Variants in SVEP1 observed in about 807,000 individuals in gnomAD.
SVEP1 encodes the protein sushi, von Willebrand factor type A, EGF and pentraxin domain-containing protein 1.
In SVEP1, 164 loss-of-function variants were observed where a neutral mutation model predicts 367.3. The ratio of observed to expected loss-of-function variants is 0.45; its 90% CI spans 0.39 to 0.51. SVEP1 has a LOEUF of 0.51. Among genes scored for constraint, SVEP1 ranks in the 20% least tolerant of loss-of-function variants. SVEP1 has a pLI of 0.00. For missense variants in SVEP1, 4,117 were observed against 4,425.3 expected (o/e 0.93, Z 1.98); for synonymous variants, 1,666 against 1,611.6 (o/e 1.03, Z -0.81).
Position 110,377,285 on chromosome 9 carries a change from C to T in SVEP1, c.10490G>A (p.Arg3497His), listed in dbSNP as rs537183383. 5.8e-5 allele frequency: 93 copies of T among 1,613,370 alleles called. No homozygotes were observed. The highest frequency in any genetic ancestry group is 1.2e-4 in the Admixed American group (7 of 59,994). The part of the protein sequence containing the change: ...ACSCPEGWMG[R>H]LCEEPICILP... ...GAGCAACTCACGTTCTTCACAGAGG[C>T]GCCCCATCCAGCCCTCTGGACAGGA... is the stretch of plus-strand genomic sequence containing the variant. The change falls in exon 45 of 48, where the codon CGC becomes CAC. Residue 3497 changes from arginine to histidine, a missense_variant. Physicochemically the swap from Arg to His is conservative, Grantham distance 29. Transcript: ENST00000374469.
At chr9:110,532,029 A>C (rs1465005380) in intron 3 of SVEP1, among the ~76,000 whole-genome samples, 1 of 152,160 alleles carries the variant, frequency 6.6e-6, no homozygotes, top group Non-Finnish European at 1.5e-5. Context: ...TTCTCCAAAA[A>C]AGGAATGGAA....
intron 3 of SVEP1, among the ~76,000 whole-genome samples, chr9:110,544,257 T>C (rs1018463760): frequency 1.3e-5 from 2 of 152,254 alleles, no homozygotes; most frequent in Admixed American, 6.5e-5. Context: ...TAAAATAATG[T>C]TCACACGAAA....
chr9:110,514,450 T>TTGCGG (rs1441983616), intron 3 of SVEP1, among the ~76,000 whole-genome samples: 1 of 150,066 alleles, frequency 6.7e-6, no homozygotes, highest in Non-Finnish European at 1.5e-5. Flanking sequence ...GAGCTGGAGG[T>TTGCGG]TGCGGTGAGC....
At chr9:110,416,131 T>C (rs1828117391) in intron 36 of SVEP1, among the ~76,000 whole-genome samples, 1 of 151,974 alleles carries the variant, frequency 6.6e-6, no homozygotes, top group African/African-American at 2.4e-5. Flanking sequence ...ACAATCTGAA[T>C]TTATAACACA....
At chr9:110,495,383 A>G (rs1278062338) in intron 8 of SVEP1, among the ~76,000 whole-genome samples, 3 of 152,172 alleles carry the variant, frequency 2.0e-5, no homozygotes, top group African/African-American at 7.2e-5. Context: ...GTTCAATGTA[A>G]TCTCAAGGGT....
intron 40 of SVEP1, among the ~76,000 whole-genome samples, chr9:110,390,505 C>T (rs528185952): frequency 5.9e-4 from 89 of 150,870 alleles, no homozygotes; most frequent in African/African-American, 2.0e-3. Context: ...TATGATTTGA[C>T]AATCAGAAAT....
chr9:110,481,275 G>T lies in SVEP1; in HGVS notation c.2332C>A (p.Pro778Thr). The change falls in exon 12 of 48, where the codon CCA becomes ACA. Residue 778 changes from proline (P) to threonine (T), a missense_variant. Pro to Thr is a conservative substitution (Grantham distance 38). This residue lies in a region of SVEP1 where 2,174 missense variants were observed against 2,494.3 expected (regional missense o/e 0.87). Transcript: ENST00000374469. Reference protein sequence around the residue: ...YCAYEDGVWKPTYTTEWPDCA... With the variant: ...YCAYEDGVWKTTYTTEWPDCA... ...TCTGGCCATTCAGTGGTATATGTTG[G>T]TTTCCAGACGCCATCTTCATAAGCA... 2 of 1,602,458 alleles carry T rather than the reference G, an allele frequency of 1.2e-6. No homozygotes were observed.
At chr9:110,374,474 ACTCTGT>A (rs1205550929) in intron 46 of SVEP1, among the ~76,000 whole-genome samples, 2 of 152,086 alleles carry the variant, frequency 1.3e-5, no homozygotes, top group Non-Finnish European at 2.9e-5. Flanking sequence ...ACATGGTGAA[ACTCTGT>A]CTCTACTAAA....
intron 36 of SVEP1, among the ~76,000 whole-genome samples, chr9:110,425,874 T>C (rs905565861): frequency 2.0e-5 from 3 of 152,192 alleles, no homozygotes; most frequent in Non-Finnish European, 4.4e-5. Context: ...ATATTTGTCT[T>C]TGGGTAATAA....
chr9:110,510,302 C>T (rs1014509480), intron 5 of SVEP1, among the ~76,000 whole-genome samples: 2 of 152,240 alleles, frequency 1.3e-5, no homozygotes, highest in African/African-American at 2.4e-5. Context: ...CTCCTCTGAT[C>T]CTCCCACTCC....
At chr9:110,462,158 T>A (rs1465370894) in intron 18 of SVEP1, among the ~76,000 whole-genome samples, 2 of 152,094 alleles carry the variant, frequency 1.3e-5, no homozygotes, top group Non-Finnish European at 2.9e-5. Context: ...TTTTTACATA[T>A]AATTTTCAGC....
chr9:110,464,930 A>G (rs1296203036), intron 18 of SVEP1, among the ~76,000 whole-genome samples: 3 of 152,120 alleles, frequency 2.0e-5, no homozygotes, highest in African/African-American at 7.2e-5. Context: ...TCCTAATTTC[A>G]TTGTCATTCT....
chr9:110,399,950 C>T (rs1363947031), intron 40 of SVEP1, among the ~76,000 whole-genome samples: 5 of 152,158 alleles, frequency 3.3e-5, no homozygotes, highest in African/African-American at 9.7e-5. Flanking sequence ...TTTAGTGATA[C>T]GGTAATGCTT....
intron 5 of SVEP1, among the ~76,000 whole-genome samples, chr9:110,512,251 A>G (rs1829729782): frequency 6.6e-6 from 1 of 152,068 alleles, no homozygotes; most frequent in Admixed American, 6.6e-5. Flanking sequence ...CTTTTCTTAA[A>G]TATCCTCCTC....
chr9:110,500,114 T>A (rs756812085), intron 6 of SVEP1, among the ~76,000 whole-genome samples: 1 of 152,352 alleles, frequency 6.6e-6, no homozygotes, highest in African/African-American at 2.4e-5. Context: ...TGTGTGCTAC[T>A]AAACACTCCA....
In SVEP1 at chr9:110,410,936, T is replaced by C. The variant is rs186528583; in HGVS notation, c.6648+127A>G. 10 of 701,184 alleles carry C rather than the reference T, an allele frequency of 1.4e-5. No homozygotes were observed. The East Asian group carries it at 2.3e-4, about 16-fold the overall frequency. The allele number at this position is 701,184 out of a possible 1,614,324, so 43.4% of individuals were successfully genotyped here. ...TATCATGATTCTTTGTTAGTGATAA[T>C]AGTAAATTCCAGTTTCCATGCCTTA... On this transcript the variant is annotated intron_variant, in intron 37 of 47. Transcript: ENST00000374469.
intron 3 of SVEP1, among the ~76,000 whole-genome samples, chr9:110,520,106 G>A (rs1829858908): frequency 6.6e-6 from 1 of 152,118 alleles, no homozygotes; most frequent in Non-Finnish European, 1.5e-5. Context: ...ATAATCAAGA[G>A]TTTAAAACAC....
chr9:110,491,619 A>ATGTGTGTGTGTGTGTGGG (rs1564157984), intron 8 of SVEP1, among the ~76,000 whole-genome samples: 4 of 112,148 alleles, frequency 3.6e-5, no homozygotes, highest in African/African-American at 1.5e-4. Flanking sequence ...GTGTGTGTGC[A>ATGTGTGTGTGTGTGTGGG]AATTTATCTG....
chr9:110,472,515 T>G (rs1176566265), intron 14 of SVEP1, among the ~76,000 whole-genome samples, 192 bp from the exon 15 acceptor site: 1 of 152,166 alleles, frequency 6.6e-6, no homozygotes, highest in African/African-American at 2.4e-5. Flanking sequence ...TAATACAGAT[T>G]ACCAATGAAT....
Sources: allele counts gnomAD v4.1 joint callset (sites outside exome capture counted in the v4.1 genomes callset), GRCh38; gene constraint gnomAD v4.1.1; regional missense constraint gnomAD v4.1.1; transcripts MANE v1.5; gene names NCBI Gene and HGNC (gene_info 2026-07-23, HGNC 2026-07-21).